KIF2A: variants seen among roughly 807,000 people sequenced by gnomAD.
KIF2A encodes the protein kinesin-like protein KIF2A.
In KIF2A, 22 loss-of-function variants were observed where a neutral mutation model predicts 100.2. The ratio of observed to expected loss-of-function variants is 0.22; its 90% CI spans 0.16 to 0.31. KIF2A has a LOEUF of 0.31. Ranked by LOEUF, KIF2A falls within the 10% of genes least tolerant of loss-of-function variation. KIF2A has a pLI of 1.00. For synonymous variants in KIF2A, 268 were observed against 285.9 expected (o/e 0.94, Z 0.63); for missense variants, 495 against 898.7 (o/e 0.55, Z 5.74).
rs1183894797 is a variant in KIF2A, at chr5:62,390,593, G to GGGA, written c.*5028_*5030dup. On this transcript the variant is annotated 3_prime_UTR_variant, in exon 21 of 21. Coordinates refer to ENST00000407818, the MANE Select transcript of KIF2A (RefSeq NM_001098511.3). Reference sequence around the variant, plus strand: ...ATGAGAGTTGGGGAAGGAGCAGGAAGGGAGGAACCTGCACACCACATTGGA... The same window carrying GGGA: ...ATGAGAGTTGGGGAAGGAGCAGGAAGGGAGGAGGAACCTGCACACCACATTGGA... Among the ~76,000 whole-genome samples the GGGA allele has an allele frequency of 1.3e-5, 2 of 152,300 alleles. No individual in the cohort carries two copies. Among genetic ancestry groups the GGGA allele is most frequent in the East Asian group, 1.9e-4 (1 of 5,184 alleles).
intron 1 of KIF2A, among the ~76,000 whole-genome samples, chr5:62,320,650 C>T (rs1342612014): frequency 6.6e-6 from 1 of 151,592 alleles, no homozygotes; most frequent in East Asian, 1.9e-4. Flanking sequence ...ATAGAAAACA[C>T]CTAAGTTCTG....
chr5:62,352,140 G>A (rs185837892), intron 4 of KIF2A, among the ~76,000 whole-genome samples: 164 of 138,024 alleles, frequency 1.2e-3, no homozygotes, highest in African/African-American at 4.5e-3. Context: ...GCAACAGAGC[G>A]AGACTTCATC....
At chr5:62,334,780 C>A (rs558768354) in intron 1 of KIF2A, among the ~76,000 whole-genome samples, 2 of 152,152 alleles carry the variant, frequency 1.3e-5, no homozygotes, top group Non-Finnish European at 2.9e-5. Flanking sequence ...GTAATCTGCA[C>A]ACCCAGCCAC....
chr5:62,328,503 T>C (rs1188624002), intron 1 of KIF2A, among the ~76,000 whole-genome samples: 1 of 152,194 alleles, frequency 6.6e-6, no homozygotes, highest in Non-Finnish European at 1.5e-5. Flanking sequence ...TAATACTCTT[T>C]TTTTTGAAAT....
intron 1 of KIF2A, among the ~76,000 whole-genome samples, chr5:62,329,994 A>G (rs1045561368): frequency 2.6e-5 from 4 of 152,222 alleles, no homozygotes; most frequent in African/African-American, 7.2e-5. Context: ...TACAGTGGCA[A>G]TTGGTTTACT....
At chr5:62,342,147 AGTGGGTATTAGTATATT>A (rs1285000100) in intron 1 of KIF2A, among the ~76,000 whole-genome samples, 10 of 152,242 alleles carry the variant, frequency 6.6e-5, no homozygotes, top group African/African-American at 2.4e-4. Context: ...TGTCCCCACT[AGTGGGTATTAGTATATT>A]GTGGGGCTGC....
chr5:62,390,965 G>A lies in KIF2A; in HGVS notation c.*5396G>A, dbSNP rs775964162. The A allele has an allele frequency of 3.7e-6, 6 of 1,613,194 alleles. No individual in the cohort carries two copies. Among genetic ancestry groups the A allele is most frequent in the Non-Finnish European group, 5.1e-6 (6 of 1,179,712 alleles). On this transcript the variant is annotated 3_prime_UTR_variant, in exon 21 of 21. Transcript: ENST00000407818. The stretch of plus-strand genomic sequence containing the variant: ...TTTGCTGTATTTTATCTGCTATGCT[G>A]AAATCTTCTGGTATTATCTATCAAT...
At chr5:62,366,268 A>G in intron 15 of KIF2A, 146 bp from the exon 16 acceptor site, 1 of 634,196 alleles carries the variant, frequency 1.6e-6, no homozygotes, top group Non-Finnish European at 2.8e-6. Context: ...TATGATAACA[A>G]ATAATCTTGG....
chr5:62,366,605 G>A (rs1741080815), intron 16 of KIF2A, 124 bp downstream of exon 16: 3 of 570,558 alleles, frequency 5.3e-6, no homozygotes, highest in Non-Finnish European at 9.4e-6. Context: ...GCCCAGGCGG[G>A]CGGATCACAA....
At chr5:62,347,001 G>A in intron 1 of KIF2A, 129 bp from the exon 2 acceptor site, 2 of 596,824 alleles carry the variant, frequency 3.4e-6, no homozygotes, top group Admixed American at 6.8e-5. Context: ...GAGGGTCTGT[G>A]GAAATCTCTT....
intron 20 of KIF2A, among the ~76,000 whole-genome samples, chr5:62,382,651 G>A (rs377132047): frequency 2.5e-5 from 1 of 40,714 alleles, no homozygotes; most frequent in African/African-American, 1.0e-4. Context: ...TTTTTTTTTT[G>A]TCATGGAGTT....
rs1434287283 is a variant in KIF2A at position 62,358,379 on chromosome 5, G to T, written c.872+80G>T. The T allele has an allele frequency of 5.4e-6, 5 of 918,778 alleles. No homozygotes were observed. In the Admixed American group the frequency reaches 9.7e-5, roughly 18 times the overall value. 56.9% of individuals were successfully genotyped at this position (918,778 alleles called of 1,614,324 possible). On this transcript the variant is annotated intron_variant, in intron 9 of 20. Coordinates refer to ENST00000407818, the MANE Select transcript of KIF2A (RefSeq NM_001098511.3). ...CACCTTGAAATTTACATTGATTGTG[G>T]GATATTTCTTAAGAGGTGCAATATG...
chr5:62,313,741 T>C (rs779466072), intron 1 of KIF2A, among the ~76,000 whole-genome samples: 14 of 152,204 alleles, frequency 9.2e-5, no homozygotes, highest in Non-Finnish European at 1.8e-4. Flanking sequence ...GCCTATTTCC[T>C]ATACTCTAGT....
intron 1 of KIF2A, among the ~76,000 whole-genome samples, chr5:62,336,301 G>A (rs906896881): frequency 2.0e-5 from 3 of 152,184 alleles, no homozygotes; most frequent in East Asian, 3.8e-4. Flanking sequence ...AAAAATGCTG[G>A]TTTTTAAATG....
At chr5:62,309,012 T>C (rs941531845) in intron 1 of KIF2A, among the ~76,000 whole-genome samples, 2 of 152,228 alleles carry the variant, frequency 1.3e-5, no homozygotes, top group African/African-American at 4.8e-5. Context: ...ACAATGAAAT[T>C]TATTTTTTAA....
At chr5:62,361,920 A>G (rs247269) in intron 11 of KIF2A, among the ~76,000 whole-genome samples, 72,671 of 151,172 alleles carry the variant, frequency 0.48, 18,273 homozygotes, top group East Asian at 0.62. Flanking sequence ...CCAGCTACTC[A>G]GGAGGCTGAG....
chr5:62,340,292 C>T (rs1747229993), intron 1 of KIF2A, among the ~76,000 whole-genome samples: 1 of 152,110 alleles, frequency 6.6e-6, no homozygotes, highest in African/African-American at 2.4e-5. Context: ...TTTAACCTAG[C>T]TGGTGGTAGT....
chr5:62,344,302 C>T lies in KIF2A; in HGVS notation c.65-2828C>T, dbSNP rs915380011. 6.6e-5 allele frequency among the ~76,000 whole-genome samples: 10 copies of T among 150,422 alleles called. No individual in the cohort carries two copies. In the South Asian group the frequency reaches 8.4e-4, roughly 13 times the overall value. ...GAGGTTGCAGTGAGCCGAGCGAGAT[C>T]GCACCACTGCAGTCCAACCTGGTGA... On this transcript the variant is annotated intron_variant, in intron 1 of 20. Coordinates refer to ENST00000407818, the MANE Select transcript of KIF2A (RefSeq NM_001098511.3).
At position 62,306,206 on chromosome 5, in the gene KIF2A, A is replaced by T; in HGVS notation, c.-267A>T. The T allele has an allele frequency of 2.5e-6, 1 of 405,618 alleles. No individual in the cohort carries two copies. 25.1% of individuals were successfully genotyped at this position (405,618 alleles called of 1,614,324 possible). On this transcript the variant is annotated 5_prime_UTR_variant, in exon 1 of 21. Transcript: ENST00000407818. Reference sequence around the variant, plus strand: ...CCCGGCGGGCGGTGCGGGCCCTCCCACTCTACCCCGCGCCGTCTCACGGCC... The same window carrying T: ...CCCGGCGGGCGGTGCGGGCCCTCCCTCTCTACCCCGCGCCGTCTCACGGCC...
Sources: gnomAD v4.1 joint callset for allele counts (sites outside exome capture counted in the v4.1 genomes callset) on GRCh38, gnomAD v4.1.1 for gene constraint, MANE v1.5 for transcripts, NCBI Gene and HGNC (gene_info 2026-07-23, HGNC 2026-07-21) for gene names.